PCDHGA7: variants seen among roughly 807,000 people sequenced by gnomAD.
PCDHGA7 encodes the protein protocadherin gamma subfamily A, 7, also known as protocadherin gamma-A7.
PCDHGA7 carries 44 observed loss-of-function variants against 58.3 expected under a neutral mutation model. The observed-to-expected ratio is 0.75, with a 90% CI of 0.59 to 0.97. The LOEUF is 0.97. PCDHGA7 is among the 50% of genes least tolerant of loss of function. The pLI, the probability that PCDHGA7 is intolerant of heterozygous loss-of-function variation, is 0.00. For missense variants in PCDHGA7, 1,266 were observed against 1,188.7 expected, an observed-to-expected ratio of 1.06 and a Z score of -0.96; for synonymous variants, 516 against 504.2, an observed-to-expected ratio of 1.02 and a Z score of -0.31.
rs539905795 is a variant in PCDHGA7, at chr5:141,419,910, C to T, written c.2424+34587C>T. 1.5e-5 allele frequency: 25 copies of T among 1,614,086 alleles called. No individual in the cohort carries two copies. In the South Asian group the frequency reaches 2.4e-4, roughly 16 times the overall value. On this transcript the variant is annotated intron_variant, in intron 1 of 3. Coordinates refer to ENST00000518325, the MANE Select transcript of PCDHGA7 (RefSeq NM_018920.4). ...AGCGACCATCCCACACCCTCTGACT[C>T]CCAGGCTGAGATGCAGTTTTACCTG...
In PCDHGA7 at chr5:141,432,498, G is replaced by A. The variant is rs766191511; in HGVS notation, c.2424+47175G>A. Reference sequence around the variant, plus strand: ...TCCACTGGCGTGGAGCTGGCTCCCCGCTCCGCAGAGCCCGGCTACCTGGTG... The same window carrying A: ...TCCACTGGCGTGGAGCTGGCTCCCCACTCCGCAGAGCCCGGCTACCTGGTG... On this transcript the variant is annotated intron_variant, in intron 1 of 3. Coordinates refer to ENST00000518325, the MANE Select transcript of PCDHGA7 (RefSeq NM_018920.4). This position sits in a 1 kb window ranked among gnomAD's most constrained non-coding sequence, Gnocchi z 6.0. The A allele has an allele frequency of 1.9e-6, 3 of 1,614,106 alleles. No homozygotes were observed. The highest frequency in any genetic ancestry group is 2.5e-6 in the Non-Finnish European group (3 of 1,180,052).
In PCDHGA7 at chr5:141,476,208, C is replaced by A. The variant is rs1266601125; in HGVS notation, c.2425-18599C>A. 1.2e-6 allele frequency: 2 copies of A among 1,613,912 alleles called. No homozygotes were observed. Among genetic ancestry groups the A allele is most frequent in the East Asian group, 4.5e-5 (2 of 44,826 alleles). On this transcript the variant is annotated intron_variant, in intron 1 of 3. Coordinates refer to ENST00000518325, the MANE Select transcript of PCDHGA7 (RefSeq NM_018920.4). The surrounding 1 kb of genome is among the most constrained non-coding windows in gnomAD (Gnocchi z 7.6). ...CTTGGTGCCTTGAACAAGGCTTCCA[C>A]GGTCATTCACTATGAGATCCCGGAG...
Position 141,505,388 on chromosome 5 carries a change from C to T in PCDHGA7, c.2484-5C>T, listed in dbSNP as rs756505223. ...TCTGTGCTCACCATCCTACTCTCTCCCCAGCTCCCAAAATGGCGATGACAC... is the reference window on the plus strand; with the variant it reads ...TCTGTGCTCACCATCCTACTCTCTCTCCAGCTCCCAAAATGGCGATGACAC... On this transcript the variant is annotated splice_polypyrimidine_tract_variant and splice_region_variant and intron_variant, in intron 2 of 3. Transcript: ENST00000518325. The T allele has an allele frequency of 6.2e-7, 1 of 1,613,972 alleles. No homozygotes were observed. The highest frequency in any genetic ancestry group is 2.2e-5 in the East Asian group (1 of 44,886).
intron 3 of PCDHGA7, among the ~76,000 whole-genome samples, chr5:141,506,444 C>CAA (rs1219684339): frequency 1.2e-3 from 116 of 94,976 alleles, no homozygotes; most frequent in African/African-American, 4.2e-3. Flanking sequence ...CGCTCTGTCT[C>CAA]AAAAAAAAAA....
At chr5:141,434,453 T>C (rs1172243323) in intron 1 of PCDHGA7, among the ~76,000 whole-genome samples, 1 of 152,226 alleles carries the variant, frequency 6.6e-6, no homozygotes, top group Non-Finnish European at 1.5e-5. Context: ...TGGAAGGTAG[T>C]GGGTTTACCG....
chr5:141,421,592 T>C (rs1590304832), intron 1 of PCDHGA7: 1 of 1,613,272 alleles, frequency 6.2e-7, no homozygotes, highest in Non-Finnish European at 8.5e-7. Context: ...GGAGTGGAGG[T>C]GGAAATAATA....
chr5:141,419,317 T>C, intron 1 of PCDHGA7: 1 of 1,613,952 alleles, frequency 6.2e-7, no homozygotes, highest in Non-Finnish European at 8.5e-7. Flanking sequence ...TCAACGGCCG[T>C]GTCTCCTACT....
chr5:141,430,471 T>TA (rs759564776), intron 1 of PCDHGA7: 176 of 234,152 alleles, frequency 7.5e-4, no homozygotes, highest in Non-Finnish European at 1.1e-3. Context: ...TGGAGCTATT[T>TA]AAGATATAAA....
chr5:141,511,537 A>C lies in PCDHGA7; in HGVS notation c.*364A>C. 6.3e-6 allele frequency: 2 copies of C among 319,254 alleles called. No individual in the cohort carries two copies. The highest frequency in any genetic ancestry group is 6.7e-5 in the South Asian group (2 of 29,854). 19.8% of individuals were successfully genotyped at this position (319,254 alleles called of 1,614,324 possible). A position where few individuals can be genotyped will look rare whatever the true frequency, so the allele number is the denominator to read the frequency against. On this transcript the variant is annotated 3_prime_UTR_variant, in exon 4 of 4. Transcript: ENST00000518325. ...TCCATCCCATGCCTCCCTCCTCCCC[A>C]CCCCACTCCAACAGTTCCTCTTTCC... is the stretch of plus-strand genomic sequence containing the variant.
rs753458256 is a variant in PCDHGA7 at position 141,383,378 on chromosome 5, C to G, written c.479C>G (p.Pro160Arg). Residue 160 changes from proline (P) to arginine (R), a missense_variant, in exon 1 of 4, where the codon CCA becomes CGA. Pro to Arg is a moderately radical substitution (Grantham distance 103, BLOSUM62 -2). Coordinates refer to ENST00000518325, the MANE Select transcript of PCDHGA7 (RefSeq NM_018920.4). Reference sequence around the variant, plus strand: ...TTTCCGTTAAGCGAGGCTGGGGATCCAGATGTGGGCACGAACTCCCTCCAG... The same window carrying G: ...TTTCCGTTAAGCGAGGCTGGGGATCGAGATGTGGGCACGAACTCCCTCCAG... ...VRFPLSEAGD[P>R]DVGTNSLQSY... 6.2e-7 allele frequency: 1 copy of G among 1,614,002 alleles called. No homozygotes were observed. Among genetic ancestry groups the G allele is most frequent in the Non-Finnish European group, 8.5e-7 (1 of 1,179,898 alleles).
chr5:141,428,479 T>A (rs577865239), intron 1 of PCDHGA7: 1 of 328,682 alleles, frequency 3.0e-6, no homozygotes, highest in African/African-American at 2.1e-5. Flanking sequence ...TTTGCTTTAT[T>A]CCTGCAATCT....
Position 141,388,463 on chromosome 5 carries a change from G to A in PCDHGA7, c.2424+3140G>A, listed in dbSNP as rs367941349. Reference sequence around the variant, plus strand: ...AATCAGATGGCAGTAAATACCCTGAGATGGTATTGAAGACACCTTTGGACA... The same window carrying A: ...AATCAGATGGCAGTAAATACCCTGAAATGGTATTGAAGACACCTTTGGACA... On this transcript the variant is annotated intron_variant, in intron 1 of 3. Coordinates refer to ENST00000518325, the MANE Select transcript of PCDHGA7 (RefSeq NM_018920.4). 143 of 1,613,666 alleles carry A rather than the reference G, an allele frequency of 8.9e-5. 2 individuals are homozygous for A. The highest frequency in any genetic ancestry group is 1.3e-5 in the Non-Finnish European group (15 of 1,179,854).
At chr5:141,423,256 G>C (rs751894091) in intron 1 of PCDHGA7, 1 of 1,613,934 alleles carries the variant, frequency 6.2e-7, no homozygotes. Flanking sequence ...GGCGGACCTC[G>C]GCAGCCTCGA....
In PCDHGA7 at chr5:141,477,963, A is replaced by C; in HGVS notation, c.2425-16844A>C. ...TACAGTCTCTTGGGATCCCCTAACC[A>C]GAGCCTTTTTGCCATAGGGCTGCAC... On this transcript the variant is annotated intron_variant, in intron 1 of 3. Coordinates refer to ENST00000518325, the MANE Select transcript of PCDHGA7 (RefSeq NM_018920.4). The surrounding 1 kb of genome is among the most constrained non-coding windows in gnomAD (Gnocchi z 4.9). The C allele has an allele frequency of 1.2e-6, 2 of 1,614,118 alleles. No individual in the cohort carries two copies. The highest frequency in any genetic ancestry group is 1.7e-6 in the Non-Finnish European group (2 of 1,180,024).
intron 1 of PCDHGA7, chr5:141,390,100 C>G: frequency 6.2e-7 from 1 of 1,614,060 alleles, no homozygotes; most frequent in South Asian, 1.1e-5. Context: ...GTGGTTCCCC[C>G]CAACTACAGC....
intron 1 of PCDHGA7, chr5:141,423,372 C>G: frequency 6.2e-7 from 1 of 1,614,178 alleles, no homozygotes; most frequent in Non-Finnish European, 8.5e-7. Context: ...TGCTGGCACT[C>G]AGGCTGTGGC....
At position 141,476,786 on chromosome 5, in the gene PCDHGA7, C is replaced by G. The variant is rs2099398607; in HGVS notation, c.2425-18021C>G. 3.1e-6 allele frequency: 5 copies of G among 1,613,444 alleles called. No individual in the cohort carries two copies. The highest frequency in any genetic ancestry group is 1.7e-5 in the Admixed American group (1 of 60,000). ...GGCGTTGGACGGAGGGACCCCAGCTCTCTCCGCCAGCCTGCCTATTCACAT... is the reference window on the plus strand; with the variant it reads ...GGCGTTGGACGGAGGGACCCCAGCTGTCTCCGCCAGCCTGCCTATTCACAT... On this transcript the variant is annotated intron_variant, in intron 1 of 3. Coordinates refer to ENST00000518325, the MANE Select transcript of PCDHGA7 (RefSeq NM_018920.4). The surrounding 1 kb of genome is among the most constrained non-coding windows in gnomAD (Gnocchi z 7.6).
At chr5:141,389,445 G>C in intron 1 of PCDHGA7, 3 of 1,610,528 alleles carry the variant, frequency 1.9e-6, no homozygotes, top group Non-Finnish European at 2.5e-6. Flanking sequence ...CTTCGACCAC[G>C]AGCAGCTGCG....
chr5:141,417,658 G>C, intron 1 of PCDHGA7: 2 of 869,072 alleles, frequency 2.3e-6, no homozygotes, highest in Non-Finnish European at 1.7e-6. Context: ...TCTAGCCTGG[G>C]ATTCCCTGCG....
Sources: allele counts gnomAD v4.1 joint callset (sites outside exome capture counted in the v4.1 genomes callset), GRCh38; gene constraint gnomAD v4.1.1; non-coding constraint Gnocchi (gnomAD v3.1); transcripts MANE v1.5; gene names NCBI Gene and HGNC (gene_info 2026-07-23, HGNC 2026-07-21).